CLEC16A: variants seen among roughly 807,000 people sequenced by gnomAD.
CLEC16A encodes the protein C-type lectin domain containing 16A.
A neutral mutation model predicts 109.5 loss-of-function variants in CLEC16A; 51 were observed. That is an observed-to-expected ratio of 0.47 (90% CI 0.37 to 0.59). CLEC16A has a LOEUF of 0.59. CLEC16A is among the 20% of genes least tolerant of loss of function. The pLI, the probability that CLEC16A is intolerant of heterozygous loss-of-function variation, is 0.00. For synonymous variants in CLEC16A, 673 were observed against 564.2 expected, an observed-to-expected ratio of 1.19 and a Z score of -2.73; for missense variants, 1,339 against 1,394.0, an observed-to-expected ratio of 0.96 and a Z score of 0.63.
intron 19 of CLEC16A, among the ~76,000 whole-genome samples, chr16:11,076,785 C>T (rs2049399255): frequency 6.6e-6 from 1 of 152,190 alleles, no homozygotes; most frequent in Non-Finnish European, 1.5e-5. Flanking sequence ...CCAATTGCCC[C>T]AGAGTCTGGC....
chr16:11,145,768 T>C (rs930675112), intron 22 of CLEC16A, among the ~76,000 whole-genome samples: 3 of 152,272 alleles, frequency 2.0e-5, no homozygotes, highest in Admixed American at 2.0e-4. Flanking sequence ...GCCCCACTGT[T>C]GCTCTCCTTG....
intron 19 of CLEC16A, among the ~76,000 whole-genome samples, chr16:11,093,966 C>G (rs1254128442): frequency 6.6e-6 from 1 of 152,188 alleles, no homozygotes; most frequent in Non-Finnish European, 1.5e-5. Context: ...GGAGGACCCA[C>G]AGGCTTCCTA....
At chr16:11,143,150 C>T (rs1370365554) in intron 22 of CLEC16A, among the ~76,000 whole-genome samples, 2 of 152,204 alleles carry the variant, frequency 1.3e-5, no homozygotes, top group African/African-American at 4.8e-5. Flanking sequence ...CTGTGTGCCA[C>T]GCCCTGTGCT....
chr16:11,175,333 G>T (rs1412064419), intron 23 of CLEC16A, among the ~76,000 whole-genome samples: 2 of 152,074 alleles, frequency 1.3e-5, no homozygotes, highest in African/African-American at 2.4e-5. Context: ...TACCCCCTCG[G>T]CTCTGTCTCC....
chr16:11,142,897 G>A (rs574563635), intron 22 of CLEC16A, among the ~76,000 whole-genome samples: 90 of 152,198 alleles, frequency 5.9e-4, no homozygotes, highest in Non-Finnish European at 6.9e-4. Flanking sequence ...TGCAACCTCC[G>A]CCCCCCTGGT....
In CLEC16A at chr16:10,992,104, C is replaced by T. The variant is rs115854741; in HGVS notation, c.1071+9113C>T. Among the ~76,000 whole-genome samples the T allele has an allele frequency of 4.1e-3, 625 of 152,250 alleles. 6 individuals carry two copies. Among genetic ancestry groups the T allele is most frequent in the African/African-American group, 0.014 (587 of 41,548 alleles). ...CCCCAGGACAGCTTCCTGGTAGCCT[C>T]CAGATACGCACGGGGACAAATTTGT... On this transcript the variant is annotated intron_variant, in intron 10 of 23. Transcript: ENST00000409790.
intron 1 of CLEC16A, among the ~76,000 whole-genome samples, chr16:10,951,725 G>C (rs2041743569): frequency 1.3e-5 from 2 of 152,252 alleles, no homozygotes; most frequent in African/African-American, 4.8e-5. Flanking sequence ...CATTCTAACA[G>C]TGGTTATCAT....
In CLEC16A at chr16:10,966,771, A is replaced by T. The variant is rs1270513807; in HGVS notation, c.344-2390A>T. ...CTCGTGAGAACTCACTATCACGAGA[A>T]CAGGATGGGGGAAACCACCCCCATG... On this transcript the variant is annotated intron_variant, in intron 3 of 23. Transcript: ENST00000409790. Among the ~76,000 whole-genome samples, 6 of 152,330 alleles carry T rather than the reference A, an allele frequency of 3.9e-5. No individual in the cohort carries two copies. In the East Asian group the frequency reaches 1.2e-3, roughly 29 times the overall value.
intron 22 of CLEC16A, among the ~76,000 whole-genome samples, chr16:11,143,690 C>G (rs1002534656): frequency 6.6e-6 from 1 of 152,214 alleles, no homozygotes; most frequent in Non-Finnish European, 1.5e-5. Context: ...GTAGGCTCCC[C>G]TGGGTCCCCA....
chr16:10,985,174 G>A (rs2043555875), intron 10 of CLEC16A, among the ~76,000 whole-genome samples: 1 of 139,014 alleles, frequency 7.2e-6, no homozygotes. Context: ...CTGCACTCCA[G>A]CCTGGGCGAC....
rs990359918 is a variant in CLEC16A at position 11,174,411 on chromosome 16, T to TC, written c.2807-3920dup. On this transcript the variant is annotated intron_variant, in intron 23 of 23. Transcript: ENST00000409790. This position sits in a 1 kb window ranked among gnomAD's most constrained non-coding sequence, Gnocchi z 4.7. ...CAGAGCCATTTGCCAAGGCGGCACT[T>TC]CCCCATTTTCCCCCAAAGTTGGTTC... 5.7e-6 allele frequency: 2 copies of TC among 353,252 alleles called. No homozygotes were observed. Among genetic ancestry groups the TC allele is most frequent in the African/African-American group, 4.3e-5 (2 of 46,752 alleles). 21.9% of individuals were successfully genotyped at this position (353,252 alleles called of 1,614,324 possible).
chr16:11,070,292 G>A (rs35048876), intron 19 of CLEC16A, among the ~76,000 whole-genome samples: 3,295 of 151,888 alleles, frequency 0.022, 55 homozygotes, highest in Non-Finnish European at 0.031. Context: ...GGATGGTCAC[G>A]ATCTCCTGAC....
chr16:11,100,118 T>A (rs2050828999), intron 19 of CLEC16A, among the ~76,000 whole-genome samples: 1 of 152,130 alleles, frequency 6.6e-6, no homozygotes, highest in Non-Finnish European at 1.5e-5. Flanking sequence ...AAAAATTCAA[T>A]CCATGGCTTC....
At chr16:10,948,120 C>G (rs900081444) in intron 1 of CLEC16A, among the ~76,000 whole-genome samples, 3 of 152,164 alleles carry the variant, frequency 2.0e-5, no homozygotes, top group Non-Finnish European at 4.4e-5. Context: ...GTCTCGATCT[C>G]CTGACCTTGT....
At chr16:11,171,369 A>C (rs936252154) in intron 23 of CLEC16A, among the ~76,000 whole-genome samples, 2 of 152,172 alleles carry the variant, frequency 1.3e-5, no homozygotes, top group Non-Finnish European at 2.9e-5. Context: ...CCCCAGACCA[A>C]AGGGAGAGTC....
At chr16:11,005,650 G>A (rs538538957) in intron 11 of CLEC16A, among the ~76,000 whole-genome samples, 1 of 152,296 alleles carries the variant, frequency 6.6e-6, no homozygotes, top group Non-Finnish European at 1.5e-5. Context: ...TTATATATTT[G>A]CTCTCTTGAT....
intron 1 of CLEC16A, among the ~76,000 whole-genome samples, chr16:10,946,053 G>A (rs765014562): frequency 6.6e-6 from 1 of 152,132 alleles, no homozygotes; most frequent in Non-Finnish European, 1.5e-5. Context: ...CAGGTGTGGA[G>A]GATGATGAAA....
chr16:11,112,606 G>A (rs2110605), intron 19 of CLEC16A, among the ~76,000 whole-genome samples: 40,046 of 151,974 alleles, frequency 0.26, 5,564 homozygotes, highest in Non-Finnish European at 0.31. Context: ...TTGAGGCTGC[G>A]GTAAGCAATG....
intron 19 of CLEC16A, among the ~76,000 whole-genome samples, chr16:11,068,047 C>A (rs2048864739): frequency 6.6e-6 from 1 of 152,198 alleles, no homozygotes; most frequent in Admixed American, 6.5e-5. Flanking sequence ...CCAGGACTTG[C>A]CTGTTTAAAA....
Sources: allele counts gnomAD v4.1 joint callset (sites outside exome capture counted in the v4.1 genomes callset), GRCh38; gene constraint gnomAD v4.1.1; non-coding constraint Gnocchi (gnomAD v3.1); transcripts MANE v1.5; gene names NCBI Gene and HGNC (gene_info 2026-07-23, HGNC 2026-07-21).